ZNF483: variants seen among roughly 807,000 people sequenced by gnomAD.
ZNF483 encodes the protein zinc finger protein HIT-10.
A neutral mutation model predicts 28.6 loss-of-function variants in ZNF483; 9 were observed. The observed-to-expected ratio is 0.32, with a 90% confidence interval of 0.19 to 0.55. The LOEUF (loss-of-function observed/expected upper bound fraction) is 0.55, where lower values mean the gene tolerates loss of function less well. ZNF483 is among the 20% of genes least tolerant of loss of function. The probability of loss-of-function intolerance (pLI) is 0.93; values close to 1 mark genes in which losing one functional copy is unlikely to be tolerated. For missense variants in ZNF483, 675 were observed against 871.7 expected, an observed-to-expected ratio of 0.77 and a Z score of 2.84; for synonymous variants, 322 against 306.2, an observed-to-expected ratio of 1.05 and a Z score of -0.54.
rs375871410 is a variant in ZNF483, at chr9:111,540,585, A to G, written c.722-1072A>G. 4.4e-4 allele frequency among the ~76,000 whole-genome samples: 67 copies of G among 152,336 alleles called. No individual in the cohort carries two copies. In the East Asian group the frequency reaches 0.012, roughly 27 times the overall value. ...CTATGTAGTAGGAAGTATGCAGGTC[A>G]GAAGAATAGTACTGGAACTGCAGCA... On this transcript the variant is annotated intron_variant, in intron 5 of 5. Transcript: ENST00000309235.
In ZNF483 at chr9:111,534,332, G is replaced by T; in HGVS notation, c.700G>T (p.Val234Phe). Residue 234 changes from valine to phenylalanine, a missense_variant, in exon 5 of 6, where the codon GTC becomes TTC. Physicochemically the swap from Val to Phe is conservative, Grantham distance 50 (BLOSUM62 -1). Around this residue, in one of 6 missense-constraint regions of ZNF483, gnomAD observed 525 missense variants for 581.8 expected, o/e 0.90. Transcript: ENST00000309235. ...WVELPWLLEE[V>F]SKSSRLDESA... ...TGAATTGCCATGGCTGCTGGAAGAA[G>T]TCTCAAAAAGCTCCCGACTAGGTGA... 1 of 1,614,100 alleles carries T rather than the reference G, an allele frequency of 6.2e-7. No homozygotes were observed. The highest frequency in any genetic ancestry group is 8.5e-7 in the Non-Finnish European group (1 of 1,180,004).
intron 5 of ZNF483, among the ~76,000 whole-genome samples, chr9:111,561,011 A>AGGG (rs1828281160): frequency 1.2e-5 from 1 of 84,338 alleles, no homozygotes; most frequent in African/African-American, 5.3e-5. Context: ...AGAGAGAGAG[A>AGGG]GAGAGAGGTG....
At chr9:111,565,953 T>C (rs1238857603) in intron 5 of ZNF483, among the ~76,000 whole-genome samples, 1 of 152,100 alleles carries the variant, frequency 6.6e-6, no homozygotes, top group Non-Finnish European at 1.5e-5. Flanking sequence ...GGCTCACACG[T>C]ATAATTCGAG....
Position 111,548,706 on chromosome 9 carries a change from T to G in ZNF483, c.*5536T>G, listed in dbSNP as rs1033644729. 2.6e-5 allele frequency among the ~76,000 whole-genome samples: 4 copies of G among 152,360 alleles called. No homozygotes were observed. In the East Asian group the frequency reaches 7.7e-4, roughly 29 times the overall value. ...CTATTTTATATCATTCCGTATGATG[T>G]TAGCTGTGGTCTTTTCATATTTGAC... On this transcript the variant is annotated 3_prime_UTR_variant, in exon 6 of 6. Transcript: ENST00000309235.
intron 5 of ZNF483, among the ~76,000 whole-genome samples, chr9:111,538,275 G>A (rs989521864): frequency 2.6e-5 from 4 of 152,050 alleles, no homozygotes; most frequent in South Asian, 2.1e-4. Context: ...AACACTTTGG[G>A]AGGTCAAAGC....
chr9:111,528,708 T>C (rs956270593), intron 2 of ZNF483, among the ~76,000 whole-genome samples: 2 of 152,168 alleles, frequency 1.3e-5, no homozygotes, highest in African/African-American at 4.8e-5. Context: ...AAATAAATAG[T>C]ATTTACCTCC....
In ZNF483 at chr9:111,546,712, C is replaced by G. The variant is rs1827816058; in HGVS notation, c.*3542C>G. On this transcript the variant is annotated 3_prime_UTR_variant, in exon 6 of 6. Coordinates refer to ENST00000309235, the MANE Select transcript of ZNF483 (RefSeq NM_133464.5). Reference sequence around the variant, plus strand: ...TAGCTTAAAATGAACCATTTAAACACTTTTTGGTTATACAGCTCAATAGCA... The same window carrying G: ...TAGCTTAAAATGAACCATTTAAACAGTTTTTGGTTATACAGCTCAATAGCA... 6.6e-6 allele frequency among the ~76,000 whole-genome samples: 1 copy of G among 152,116 alleles called. No individual in the cohort carries two copies. The highest frequency in any genetic ancestry group is 6.6e-5 in the Admixed American group (1 of 15,262).
intron 5 of ZNF483, among the ~76,000 whole-genome samples, chr9:111,540,681 C>G (rs1474839792): frequency 6.6e-6 from 1 of 152,158 alleles, no homozygotes; most frequent in Non-Finnish European, 1.5e-5. Flanking sequence ...CTGTGGTAAT[C>G]TTTGAAAGTC....
intron 1 of ZNF483, among the ~76,000 whole-genome samples, chr9:111,526,655 C>T (rs989782188): frequency 6.6e-6 from 1 of 152,122 alleles, no homozygotes; most frequent in Admixed American, 6.5e-5. Context: ...GAAATGTGTG[C>T]CCTTTCATTA....
downstream of ZNF483, among the ~76,000 whole-genome samples, chr9:111,555,568 C>T (rs571722299): frequency 7.1e-4 from 108 of 152,276 alleles, no homozygotes; most frequent in Non-Finnish European, 1.1e-3. Flanking sequence ...CTCACAGTTC[C>T]GCAGGCTATA....
chr9:111,532,236 A>G (rs890096477), intron 3 of ZNF483, among the ~76,000 whole-genome samples: 1 of 152,058 alleles, frequency 6.6e-6, no homozygotes, highest in South Asian at 2.1e-4. Flanking sequence ...AGGGGGAAAG[A>G]CAGTCTTTCA....
rs912900937 is a variant in ZNF483, at chr9:111,547,340, A to G, written c.*4170A>G. On this transcript the variant is annotated 3_prime_UTR_variant, in exon 6 of 6. Transcript: ENST00000309235. Reference sequence around the variant, plus strand: ...TTTCTTTTTTATAATAGACATCCTAATGGGTTTGAAGTGGCATCTTATTCT... The same window carrying G: ...TTTCTTTTTTATAATAGACATCCTAGTGGGTTTGAAGTGGCATCTTATTCT... 6.6e-6 allele frequency among the ~76,000 whole-genome samples: 1 copy of G among 152,034 alleles called. No homozygotes were observed. Among genetic ancestry groups the G allele is most frequent in the Non-Finnish European group, 1.5e-5 (1 of 67,972 alleles).
chr9:111,569,607 T>C (rs771261588), intron 5 of ZNF483, among the ~76,000 whole-genome samples: 3 of 152,096 alleles, frequency 2.0e-5, no homozygotes, highest in Admixed American at 6.5e-5. Flanking sequence ...CTACTAAAAA[T>C]ACAAAAAGTT....
At position 111,546,622 on chromosome 9, in the gene ZNF483, A is replaced by G. The variant is rs1827813538; in HGVS notation, c.*3452A>G. Among the ~76,000 whole-genome samples the G allele has an allele frequency of 6.6e-6, 1 of 152,174 alleles. No individual in the cohort carries two copies. The highest frequency in any genetic ancestry group is 1.5e-5 in the Non-Finnish European group (1 of 68,000). On this transcript the variant is annotated 3_prime_UTR_variant, in exon 6 of 6. Coordinates refer to ENST00000309235, the MANE Select transcript of ZNF483 (RefSeq NM_133464.5). ...TTTTTTCATGTCACAGGACAAGGCAAGGTTTTGGTCAATAAAGTCATTTTA... is the reference window on the plus strand; with the variant it reads ...TTTTTTCATGTCACAGGACAAGGCAGGGTTTTGGTCAATAAAGTCATTTTA...
rs1260134166 is a variant in ZNF483 at position 111,546,151 on chromosome 9, G to A, written c.*2981G>A. On this transcript the variant is annotated 3_prime_UTR_variant, in exon 6 of 6. Coordinates refer to ENST00000309235, the MANE Select transcript of ZNF483 (RefSeq NM_133464.5). ...TTTTAACTTTGATTTTCCTGATGGC[G>A]AATAATGTCAAAGCATCTTTTATGT... Among the ~76,000 whole-genome samples, 2 of 152,134 alleles carry A rather than the reference G, an allele frequency of 1.3e-5. No homozygotes were observed. The highest frequency in any genetic ancestry group is 6.6e-5 in the Admixed American group (1 of 15,264).
intron 5 of ZNF483, among the ~76,000 whole-genome samples, chr9:111,560,944 AATATATATATATATATATAT>A (rs746101013): frequency 1.3e-4 from 4 of 31,208 alleles, no homozygotes; most frequent in Non-Finnish European, 1.7e-4. Context: ...CTCCATCTAA[AATATATATATATATATATAT>A]ATATATATAT....
chr9:111,560,473 CAA>C (rs752283590), intron 5 of ZNF483, among the ~76,000 whole-genome samples: 8 of 94,254 alleles, frequency 8.5e-5, no homozygotes, highest in Admixed American at 1.1e-4. Flanking sequence ...GACTCCATCT[CAA>C]AAAAAAAAAA....
At chr9:111,576,182 GCAAAAA>G (rs1397386644) in intron 5 of ZNF483, among the ~76,000 whole-genome samples, 3 of 151,556 alleles carry the variant, frequency 2.0e-5, no homozygotes, top group Non-Finnish European at 2.9e-5. Context: ...AAAAAAAAGG[GCAAAAA>G]CAAAAACAGA....
At chr9:111,559,928 G>A (rs542446447), downstream of ZNF483, among the ~76,000 whole-genome samples, 1 of 152,248 alleles carries the variant, frequency 6.6e-6, no homozygotes, top group South Asian at 2.1e-4. Flanking sequence ...CATCTTTCCA[G>A]AGTTTTTGTA....
Sources: gnomAD v4.1 joint callset for allele counts (sites outside exome capture counted in the v4.1 genomes callset) on GRCh38, gnomAD v4.1.1 for gene constraint, gnomAD v4.1.1 regional missense constraint, MANE v1.5 for transcripts, NCBI Gene and HGNC (gene_info 2026-07-23, HGNC 2026-07-21) for gene names.